Variants in PPP6R2 observed in about 807,000 individuals in gnomAD.
PPP6R2 encodes protein phosphatase 6 regulatory subunit 2.
Under a neutral mutation model 100.2 loss-of-function variants are expected in PPP6R2, and 62 were observed. The ratio of observed to expected loss-of-function variants is 0.62; its 90% CI spans 0.50 to 0.76. The LOEUF (loss-of-function observed/expected upper bound fraction) is 0.76, where lower values mean the gene tolerates loss of function less well. PPP6R2 is among the 30% of genes least tolerant of loss of function. PPP6R2 has a pLI of 0.00. For synonymous variants in PPP6R2, 525 were observed against 514.7 expected (o/e 1.02, Z -0.27); for missense variants, 1,142 against 1,276.3 (o/e 0.89, Z 1.60).
At chr22:50,389,785 G>C (rs1358891812) in intron 2 of PPP6R2, among the ~76,000 whole-genome samples, 3 of 151,774 alleles carry the variant, frequency 2.0e-5, no homozygotes, top group Admixed American at 2.0e-4. Flanking sequence ...TTGTGGTAGA[G>C]ATGGGGTTGG....
chr22:50,393,704 C>T, intron 2 of PPP6R2, 189 bp from the exon 3 acceptor site: 2 of 982,048 alleles, frequency 2.0e-6, no homozygotes, highest in Non-Finnish European at 2.4e-6. Context: ...CTGGGGAGGG[C>T]CCCCACCATC....
rs1389600027 is a variant in PPP6R2 at position 50,440,872 on chromosome 22, C to T, written c.2425C>T (p.Pro809Ser). 1.2e-6 allele frequency: 2 copies of T among 1,613,760 alleles called. No homozygotes were observed. The highest frequency in any genetic ancestry group is 1.7e-6 in the Non-Finnish European group (2 of 1,180,018). Residue 809 changes from proline to serine, a missense_variant, in exon 22 of 24, where the codon CCC becomes TCC. By Grantham distance (74) the Pro-to-Ser change is moderately conservative (BLOSUM62 -1). Around this residue, in one of 2 missense-constraint regions of PPP6R2, gnomAD observed 550 missense variants for 517.4 expected, o/e 1.06. Transcript: ENST00000612753. ...GAACGTGTGTGTCACCAGGAAGGCC[C>T]CCCTGCTGGCCTCTGACAGTAGCTC... ...AWNVCVTRKA[P>S]LLASDSSSSG... is the part of the protein sequence containing the mutation.
chr22:50,339,477 TGTGTG>T (rs1336144339), upstream of PPP6R2, among the ~76,000 whole-genome samples: 1 of 126,762 alleles, frequency 7.9e-6, no homozygotes, highest in East Asian at 2.5e-4. Flanking sequence ...GTGTGTGTAG[TGTGTG>T]GTGTGTATAG....
At chr22:50,346,814 C>T (rs1476875504) in intron 1 of PPP6R2, among the ~76,000 whole-genome samples, 6 of 134,198 alleles carry the variant, frequency 4.5e-5, no homozygotes, top group Admixed American at 2.9e-4. Context: ...CCCTGTCCCC[C>T]GTCAGCCAGT....
Position 50,444,446 on chromosome 22 carries a change from G to A in PPP6R2, c.*199G>A, listed in dbSNP as rs1024364086. The A allele has an allele frequency of 1.5e-5, 10 of 674,316 alleles. No individual in the cohort carries two copies. The highest frequency in any genetic ancestry group is 4.0e-5 in the South Asian group (2 of 50,228). 41.8% of individuals were successfully genotyped at this position (674,316 alleles called of 1,614,324 possible). ...CCTGAGTGGGCCTCTCAGGTCACTCGTGCCCTGCTGGAGGACAGAGGGGCA... is the reference window on the plus strand; with the variant it reads ...CCTGAGTGGGCCTCTCAGGTCACTCATGCCCTGCTGGAGGACAGAGGGGCA... On this transcript the variant is annotated 3_prime_UTR_variant, in exon 24 of 24. Coordinates refer to ENST00000612753, the MANE Select transcript of PPP6R2 (RefSeq NM_001242898.2).
upstream of PPP6R2, among the ~76,000 whole-genome samples, chr22:50,341,118 G>A (rs2042364958): frequency 6.6e-6 from 1 of 151,920 alleles, no homozygotes; most frequent in Non-Finnish European, 1.5e-5. Flanking sequence ...CACCATGTTG[G>A]CCAGGCTGGT....
upstream of PPP6R2, among the ~76,000 whole-genome samples, chr22:50,339,066 TGTATGTG>T (rs1400589704): frequency 1.3e-3 from 151 of 118,662 alleles, no homozygotes; most frequent in African/African-American, 4.3e-3. Flanking sequence ...TGTGGTGTGG[TGTATGTG>T]GTATGTGGTG....
At chr22:50,391,432 C>CAAAAA (rs57682271) in intron 2 of PPP6R2, among the ~76,000 whole-genome samples, 4,441 of 65,002 alleles carry the variant, frequency 0.068, 455 homozygotes, top group South Asian at 0.12. Flanking sequence ...GACTCCGTCT[C>CAAAAA]AAAAAAAAAA....
At chr22:50,375,658 A>G (rs995375422) in intron 2 of PPP6R2, among the ~76,000 whole-genome samples, 3 of 152,008 alleles carry the variant, frequency 2.0e-5, no homozygotes, top group African/African-American at 7.2e-5. Flanking sequence ...TGAGAATTGT[A>G]GCTCTGTATT....
At position 50,438,493 on chromosome 22, in the gene PPP6R2, A is replaced by C. The variant is rs902197566; in HGVS notation, c.1965-106A>C. 48 of 1,461,156 alleles carry C rather than the reference A, an allele frequency of 3.3e-5. No individual in the cohort carries two copies. In the African/African-American group the frequency reaches 6.5e-4, roughly 20 times the overall value. The allele number at this position is 1,461,156 out of a possible 1,614,324, so 90.5% of individuals were successfully genotyped here. A position where few individuals can be genotyped will look rare whatever the true frequency, so the allele number is the denominator to read the frequency against. On this transcript the variant is annotated intron_variant, in intron 18 of 23. Transcript: ENST00000612753. ...TGGAGCGTCTCGTGCTCCTCTCTCG[A>C]GACGATCTGTGCTCACCCTCAGCCC...
intron 4 of PPP6R2, among the ~76,000 whole-genome samples, chr22:50,413,382 ATTTTGGGAGGCTGAGGTGGGAGAATCACT>A (rs913081396): frequency 2.0e-5 from 3 of 151,790 alleles, no homozygotes; most frequent in African/African-American, 7.3e-5. Context: ...TTATTACAGC[ATTTTGGGAGGCTGAGGTGGGAGAATCACT>A]TGAGCTCAGA....
At chr22:50,392,299 C>T (rs1219841625) in intron 2 of PPP6R2, among the ~76,000 whole-genome samples, 6 of 146,660 alleles carry the variant, frequency 4.1e-5, no homozygotes, top group Admixed American at 2.8e-4. Context: ...CTCAGCAGTT[C>T]GAGGCCAACC....
chr22:50,423,593 C>T lies in PPP6R2; in HGVS notation c.1104C>T (p.Leu368=). ...TPSINQELCR[L]NTMDLLLDLF... is the part of the protein sequence containing the mutation. ...GCATCAACCAGGAGCTCTGCCGGCTCAACACGATGGACTTACTGCTGGTAA... is the reference window on the plus strand; with the variant it reads ...GCATCAACCAGGAGCTCTGCCGGCTTAACACGATGGACTTACTGCTGGTAA... The change falls in exon 10 of 24, where the codon CTC becomes CTT. Residue 368 remains leucine (L), a synonymous_variant. Coordinates refer to ENST00000612753, the MANE Select transcript of PPP6R2 (RefSeq NM_001242898.2). The surrounding 1 kb of genome is among the most constrained non-coding windows in gnomAD (Gnocchi z 4.8). The T allele has an allele frequency of 6.2e-7, 1 of 1,614,176 alleles. No homozygotes were observed. Among genetic ancestry groups the T allele is most frequent in the Non-Finnish European group, 8.5e-7 (1 of 1,180,042 alleles).
At chr22:50,409,578 C>T (rs1258906122) in intron 4 of PPP6R2, among the ~76,000 whole-genome samples, 1 of 152,110 alleles carries the variant, frequency 6.6e-6, no homozygotes, top group Non-Finnish European at 1.5e-5. Context: ...CAGGCGTGCA[C>T]CCCCACGCCC....
rs143977998 is a variant in PPP6R2, at chr22:50,431,238, T to C, written c.1191T>C (p.Ala397=). Residue 397 remains alanine (A), a synonymous_variant, in exon 11 of 24, where the codon GCT becomes GCC. Transcript: ENST00000612753. The surrounding 1 kb of genome is among the most constrained non-coding windows in gnomAD (Gnocchi z 4.8). ...TCCAAGTGGAACTATGCATAGCCGC[T>C]ATTCTCTCCCACGCTGCCCGTGAGG... is the stretch of plus-strand genomic sequence containing the variant. The part of the protein sequence containing the change: ...LHFQVELCIA[A]ILSHAAREER... 24 of 1,613,892 alleles carry C rather than the reference T, an allele frequency of 1.5e-5. No homozygotes were observed. The African/African-American group carries it at 2.7e-4, about 18-fold the overall frequency.
chr22:50,417,660 A>G lies in PPP6R2; in HGVS notation c.619-1207A>G, dbSNP rs577613524. On this transcript the variant is annotated intron_variant, in intron 6 of 23. Transcript: ENST00000612753. ...ACAGGGCTGATCAGACAGACAGGAG[A>G]GGCCACGTTGGCGTCTGTAGGAAAC... 2.0e-5 allele frequency among the ~76,000 whole-genome samples: 3 copies of G among 152,224 alleles called. No individual in the cohort carries two copies. In the South Asian group the frequency reaches 6.2e-4, roughly 32 times the overall value.
chr22:50,331,614 AT>A, the PPP6R2 span, among the ~76,000 whole-genome samples: 81,302 of 151,492 alleles, frequency 0.54, 22,919 homozygotes, highest in East Asian at 0.69. Flanking sequence ...TTTTTTGCCT[AT>A]TTTTTTTAAC....
chr22:50,343,776 C>T (rs2147862323), intron 1 of PPP6R2, among the ~76,000 whole-genome samples: 1 of 73,880 alleles, frequency 1.4e-5, no homozygotes, highest in South Asian at 6.0e-4. Flanking sequence ...ACCCTCTAGT[C>T]AGTTCCCCCA....
chr22:50,341,880 C>G (rs1355738920), upstream of PPP6R2, among the ~76,000 whole-genome samples: 1 of 152,102 alleles, frequency 6.6e-6, no homozygotes, highest in Non-Finnish European at 1.5e-5. Flanking sequence ...GTAGTCCCAG[C>G]TACTCGGGAG....
Sources: gnomAD v4.1 joint callset for allele counts (sites outside exome capture counted in the v4.1 genomes callset) on GRCh38, gnomAD v4.1.1 for gene constraint, gnomAD v4.1.1 regional missense constraint, Gnocchi (gnomAD v3.1) non-coding constraint, MANE v1.5 for transcripts, NCBI Gene and HGNC (gene_info 2026-07-23, HGNC 2026-07-21) for gene names.